Variants in RBFOX1 observed in about 807,000 individuals in gnomAD.
RBFOX1 encodes the protein RNA binding fox-1 homolog 1, also known as RNA binding protein fox-1 homolog 1.
A neutral mutation model predicts 57.7 loss-of-function variants in RBFOX1; 8 were observed. The ratio of observed to expected loss-of-function variants is 0.14; its 90% CI spans 0.08 to 0.25. The LOEUF is 0.25. RBFOX1 is among the 10% of genes least tolerant of loss of function. The pLI is 1.00. For synonymous variants in RBFOX1, 326 were observed against 222.4 expected (o/e 1.47, Z -4.15); for missense variants, 611 against 548.5 (o/e 1.11, Z -1.14).
chr16:6,898,186 T>C (rs1178734014), intron 3 of RBFOX1, among the ~76,000 whole-genome samples: 1 of 152,170 alleles, frequency 6.6e-6, no homozygotes, highest in Non-Finnish European at 1.5e-5. Flanking sequence ...GCATTAAGAA[T>C]GCTTACAGTC....
chr16:6,898,830 T>G (rs1041940804), intron 3 of RBFOX1, among the ~76,000 whole-genome samples: 6 of 151,818 alleles, frequency 4.0e-5, no homozygotes, highest in African/African-American at 1.2e-4. Context: ...AATACATGTG[T>G]GTATGTGTGT....
At chr16:7,514,427 G>A (rs1224273593) in intron 4 of RBFOX1, among the ~76,000 whole-genome samples, 2 of 152,158 alleles carry the variant, frequency 1.3e-5, no homozygotes, top group African/African-American at 4.8e-5. Context: ...CTAGTATGCT[G>A]TTGGACCATG....
chr16:5,408,795 C>G (rs1408374148), intron 1 of RBFOX1, among the ~76,000 whole-genome samples: 2 of 152,162 alleles, frequency 1.3e-5, no homozygotes, highest in Admixed American at 1.3e-4. Context: ...AAAGCAGGAG[C>G]AAGACAGAGT....
At chr16:6,190,299 C>A (rs2097133426) in intron 1 of RBFOX1, among the ~76,000 whole-genome samples, 1 of 152,118 alleles carries the variant, frequency 6.6e-6, no homozygotes, top group South Asian at 2.1e-4. Flanking sequence ...TACATCCAAA[C>A]CAACACTAAG....
chr16:6,899,137 G>A (rs2067793677), intron 3 of RBFOX1, among the ~76,000 whole-genome samples: 1 of 151,516 alleles, frequency 6.6e-6, no homozygotes, highest in African/African-American at 2.4e-5. Flanking sequence ...GTGTATATGT[G>A]TGTATGGACA....
chr16:6,761,980 C>T (rs773351828), intron 3 of RBFOX1, among the ~76,000 whole-genome samples: 5 of 152,108 alleles, frequency 3.3e-5, no homozygotes, highest in African/African-American at 4.8e-5. Context: ...TTATGCCTGC[C>T]TTCTCACGTG....
At chr16:7,294,613 A>G (rs2141736464) in intron 4 of RBFOX1, among the ~76,000 whole-genome samples, 1 of 152,254 alleles carries the variant, frequency 6.6e-6, no homozygotes, top group Admixed American at 6.5e-5. Context: ...TCCTGCTCTA[A>G]TTGAGTAAGG....
chr16:6,298,435 T>C (rs147758842), intron 1 of RBFOX1, among the ~76,000 whole-genome samples: 1 of 152,288 alleles, frequency 6.6e-6, no homozygotes, highest in African/African-American at 2.4e-5. Context: ...CCCTAAGACA[T>C]AAAAAACAAT....
At chr16:6,367,176 A>G (rs2795554) in intron 2 of RBFOX1, among the ~76,000 whole-genome samples, 14,707 of 152,272 alleles carry the variant, frequency 0.097, 2,383 homozygotes, top group African/African-American at 0.33. Context: ...CACGTGGAAC[A>G]CATACACAGG....
intron 4 of RBFOX1, among the ~76,000 whole-genome samples, chr16:7,305,245 CTCTG>C (rs1209229974): frequency 6.6e-6 from 1 of 151,926 alleles, no homozygotes; most frequent in Non-Finnish European, 1.5e-5. Context: ...ACACCTTACT[CTCTG>C]TCTTTCTCAG....
At chr16:5,996,822 A>G (rs1348127721) in intron 4 of RBFOX1, among the ~76,000 whole-genome samples, 1 of 152,164 alleles carries the variant, frequency 6.6e-6, no homozygotes, top group African/African-American at 2.4e-5. Flanking sequence ...AGTGCTCTCC[A>G]TCAGCCAAAC....
chr16:6,418,118 A>G (rs183653707), intron 2 of RBFOX1, among the ~76,000 whole-genome samples: 1 of 152,332 alleles, frequency 6.6e-6, no homozygotes, highest in East Asian at 1.9e-4. Flanking sequence ...AACATTTGCT[A>G]AGGACTTACT....
chr16:6,301,861 T>A (rs1231203743), intron 1 of RBFOX1, among the ~76,000 whole-genome samples: 1 of 152,142 alleles, frequency 6.6e-6, no homozygotes, highest in Non-Finnish European at 1.5e-5. Flanking sequence ...GCATCAGATA[T>A]GCAGTATTTC....
intron 4 of RBFOX1, among the ~76,000 whole-genome samples, chr16:7,345,382 A>G (rs944995318): frequency 2.6e-5 from 4 of 151,984 alleles, no homozygotes; most frequent in Admixed American, 6.5e-5. Flanking sequence ...TGACCATCTT[A>G]ATAAGGCTGT....
intron 1 of RBFOX1, among the ~76,000 whole-genome samples, chr16:6,285,187 GGGT>G (rs2076775558): frequency 6.6e-6 from 1 of 152,084 alleles, no homozygotes; most frequent in Non-Finnish European, 1.5e-5. Context: ...GGAGAAAAGG[GGGT>G]CCCGTTAATT....
At chr16:6,993,592 T>C (rs746873036) in intron 3 of RBFOX1, among the ~76,000 whole-genome samples, 4 of 152,172 alleles carry the variant, frequency 2.6e-5, no homozygotes, top group African/African-American at 7.2e-5. Context: ...CTGCAACATA[T>C]GGAGAGACTT....
At chr16:6,835,663 A>G (rs2093039615) in intron 3 of RBFOX1, among the ~76,000 whole-genome samples, 1 of 147,256 alleles carries the variant, frequency 6.8e-6, no homozygotes, top group East Asian at 2.1e-4. Context: ...CTGAGGCATG[A>G]GAATAGCTTG....
intron 3 of RBFOX1, among the ~76,000 whole-genome samples, chr16:6,732,754 G>A (rs536929754): frequency 1.3e-5 from 2 of 152,210 alleles, no homozygotes; most frequent in African/African-American, 2.4e-5. Context: ...CATTCTGCCA[G>A]TGCCTCTGTA....
intron 2 of RBFOX1, among the ~76,000 whole-genome samples, chr16:5,480,246 AG>A (rs1036583662): frequency 7.2e-5 from 11 of 152,294 alleles, no homozygotes; most frequent in Admixed American, 3.3e-4. Flanking sequence ...GCTTTTGACC[AG>A]GGGTCAAAGC....
Sources: allele counts gnomAD v4.1 joint callset (sites outside exome capture counted in the v4.1 genomes callset), GRCh38; gene constraint gnomAD v4.1.1; transcripts MANE v1.5; gene names NCBI Gene and HGNC (gene_info 2026-07-23, HGNC 2026-07-21).